The following VPS16 variants were observed in gnomAD, a reference collection of about 807,000 sequenced individuals.
VPS16 encodes the protein vacuolar protein sorting-associated protein 16 homolog.
A neutral mutation model predicts 116.0 loss-of-function variants in VPS16; 82 were observed. That is an observed-to-expected ratio of 0.71 (90% CI 0.59 to 0.85). The LOEUF (loss-of-function observed/expected upper bound fraction) is 0.85. Among genes scored for constraint, VPS16 ranks in the 40% least tolerant of loss-of-function variants. The pLI is 0.00. For missense variants in VPS16, 928 were observed against 1,090.6 expected (o/e 0.85, Z 2.10); for synonymous variants, 406 against 420.7 (o/e 0.96, Z 0.43).
chr20:2,854,808 G>A (rs904264857), intron 1 of VPS16, among the ~76,000 whole-genome samples: 2 of 114,996 alleles, frequency 1.7e-5, no homozygotes, highest in South Asian at 2.7e-4. Flanking sequence ...AAAAAAAAAA[G>A]AAAGAAAGAA....
chr20:2,844,883 G>A (rs1050799790), intron 1 of VPS16, among the ~76,000 whole-genome samples: 6 of 152,146 alleles, frequency 3.9e-5, no homozygotes. Context: ...CATGGATGAA[G>A]TTGATGCCCT....
Position 2,862,864 on chromosome 20 carries a change from A to G in VPS16, c.1261A>G (p.Met421Val), listed in dbSNP as rs140538187. 36 of 1,613,966 alleles carry G rather than the reference A, an allele frequency of 2.2e-5. No homozygotes were observed. The highest frequency in any genetic ancestry group is 2.6e-5 in the Non-Finnish European group (31 of 1,180,022). ...ATTTCCACCCGACAGCTTCGTGCAC[A>G]TGTGTCAGGACCTGCGTGTGCTCAA... ...DRFPPDSFVH[M>V]CQDLRVLNAV... Residue 421 changes from methionine to valine, a missense_variant, in exon 13 of 24, where the codon ATG becomes GTG. Met to Val is a conservative substitution (Grantham distance 21). Coordinates refer to ENST00000380445, the MANE Select transcript of VPS16 (RefSeq NM_022575.4).
chr20:2,862,966 C>T, intron 13 of VPS16, 32 bp downstream of exon 13: 1 of 1,613,660 alleles, frequency 6.2e-7, no homozygotes, highest in Non-Finnish European at 8.5e-7. Flanking sequence ...GGGTACCCTA[C>T]AGCCAGGGGT....
intron 1 of VPS16, among the ~76,000 whole-genome samples, chr20:2,844,319 AGTCCTATCTGCCT>A (rs2089038014): frequency 6.6e-6 from 1 of 152,240 alleles, no homozygotes; most frequent in African/African-American, 2.4e-5. Flanking sequence ...TTACATTTCA[AGTCCTATCTGCCT>A]GACAGGATTC....
At position 2,864,452 on chromosome 20, in the gene VPS16, T is replaced by G. The variant is rs2089291595; in HGVS notation, c.1808T>G (p.Leu603Trp). 1 of 1,614,198 alleles carries G rather than the reference T, an allele frequency of 6.2e-7. No individual in the cohort carries two copies. Among genetic ancestry groups the G allele is most frequent in the Non-Finnish European group, 8.5e-7 (1 of 1,180,036 alleles). ...TLRNQPMALS[L>W]YRQFCKHQEL... ...CGGAATCAGCCCATGGCCCTCAGTT[T>G]GTACCGACAGGTGTGTGTAGTGGGC... is the stretch of plus-strand genomic sequence containing the variant. Residue 603 changes from leucine (L) to tryptophan (W), a missense_variant, in exon 18 of 24, where the codon TTG (leucine) becomes TGG (tryptophan). Leu to Trp is a moderately conservative substitution (Grantham distance 61, BLOSUM62 -2). Transcript: ENST00000380445. This position sits in a 1 kb window ranked among gnomAD's most constrained non-coding sequence, Gnocchi z 5.2.
At chr20:2,862,197 G>C (rs1312162951) in intron 11 of VPS16, 67 bp downstream of exon 11, 21 of 1,536,662 alleles carry the variant, frequency 1.4e-5, no homozygotes, top group Non-Finnish European at 1.9e-5. Context: ...GCATGTGTGA[G>C]CATAGCCAGG....
intron 11 of VPS16, 31 bp from the exon 12 acceptor site, chr20:2,862,548 G>T: frequency 6.2e-7 from 1 of 1,605,008 alleles, no homozygotes; most frequent in South Asian, 1.1e-5. Flanking sequence ...TCTCTGTCAT[G>T]ATGCCCTGGC....
Position 2,865,531 on chromosome 20 carries a change from G to T in VPS16, c.2271+36G>T. 1 of 1,595,478 alleles carries T rather than the reference G, an allele frequency of 6.3e-7. No individual in the cohort carries two copies. The highest frequency in any genetic ancestry group is 8.6e-7 in the Non-Finnish European group (1 of 1,166,884). ...GTCCTCCCTCCAGCCCACTTCCAGT[G>T]AGGGTAGTCTTCGGGAGAGAGGGCT... is the stretch of plus-strand genomic sequence containing the variant. On this transcript the variant is annotated intron_variant, in intron 22 of 23. Transcript: ENST00000380445. The surrounding 1 kb of genome is among the most constrained non-coding windows in gnomAD (Gnocchi z 5.2).
chr20:2,862,351 G>A (rs2089239446), intron 11 of VPS16: 3 of 1,032,730 alleles, frequency 2.9e-6, no homozygotes, highest in Non-Finnish European at 4.1e-6. Flanking sequence ...CCCAGTCTGG[G>A]TTACTATTGG....
At position 2,840,835 on chromosome 20, in the gene VPS16, G is replaced by GCGGC; in HGVS notation, c.53+9_53+10insGGCC. On this transcript the variant is annotated intron_variant, in intron 1 of 23. Coordinates refer to ENST00000380445, the MANE Select transcript of VPS16 (RefSeq NM_022575.4). The stretch of plus-strand genomic sequence containing the variant: ...GGACTCTGCCTTTTACCGGTGAGCT[G>GCGGC]CCCCGCCCTCCCGCCCACGGCCTGG... The GCGGC allele has an allele frequency of 2.0e-6, 3 of 1,524,298 alleles. No homozygotes were observed. The highest frequency in any genetic ancestry group is 2.7e-6 in the Non-Finnish European group (3 of 1,127,978). The allele number at this position is 1,524,298 out of a possible 1,614,324, so 94.4% of individuals were successfully genotyped here. A position where few individuals can be genotyped will look rare whatever the true frequency, so the allele number is the denominator to read the frequency against.
chr20:2,861,990 G>A, intron 10 of VPS16, 64 bp from the exon 11 acceptor site: 1 of 1,607,164 alleles, frequency 6.2e-7, no homozygotes, highest in Non-Finnish European at 8.5e-7. Context: ...GCAGGAATAG[G>A]GTGTTGAGGC....
chr20:2,863,821 G>C lies in VPS16; in HGVS notation c.1477-128G>C. On this transcript the variant is annotated intron_variant, in intron 15 of 23. Coordinates refer to ENST00000380445, the MANE Select transcript of VPS16 (RefSeq NM_022575.4). The surrounding 1 kb of genome is among the most constrained non-coding windows in gnomAD (Gnocchi z 4.4). ...GAGGGAAAGAGAGAGAAAGAAGAAAGAGAGAAAGAAAGAAAGAAGAAGGAA... is the reference window on the plus strand; with the variant it reads ...GAGGGAAAGAGAGAGAAAGAAGAAACAGAGAAAGAAAGAAAGAAGAAGGAA... 1 of 1,282,694 alleles carries C rather than the reference G, an allele frequency of 7.8e-7. No individual in the cohort carries two copies. 79.5% of individuals were successfully genotyped at this position (1,282,694 alleles called of 1,614,324 possible). A position where few individuals can be genotyped will look rare whatever the true frequency, so the allele number is the denominator to read the frequency against.
intron 1 of VPS16, among the ~76,000 whole-genome samples, chr20:2,852,071 G>C (rs1020666178): frequency 6.6e-6 from 1 of 152,212 alleles, no homozygotes; most frequent in African/African-American, 2.4e-5. Context: ...GGTATAGAGA[G>C]GAAGTGGGGA....
At position 2,864,539 on chromosome 20, in the gene VPS16, G is replaced by A; in HGVS notation, c.1819-8G>A. 1.2e-6 allele frequency: 2 copies of A among 1,614,166 alleles called. No homozygotes were observed. The highest frequency in any genetic ancestry group is 1.7e-6 in the Non-Finnish European group (2 of 1,180,030). ...CCTTGCTGACTGATTGCCTGCCTGT[G>A]GCCCCAGTTCTGTAAGCATCAGGAG... On this transcript the variant is annotated splice_region_variant and splice_polypyrimidine_tract_variant and intron_variant, in intron 18 of 23. Transcript: ENST00000380445. The surrounding 1 kb of genome is among the most constrained non-coding windows in gnomAD (Gnocchi z 5.2).
At chr20:2,858,451 A>G (rs2089196399) in intron 1 of VPS16, among the ~76,000 whole-genome samples, 1 of 152,098 alleles carries the variant, frequency 6.6e-6, no homozygotes, top group African/African-American at 2.4e-5. Context: ...GCAAATAGAA[A>G]CAACTCTGCT....
At chr20:2,856,122 C>T (rs2089169379) in intron 1 of VPS16, among the ~76,000 whole-genome samples, 1 of 152,176 alleles carries the variant, frequency 6.6e-6, no homozygotes, top group Non-Finnish European at 1.5e-5. Flanking sequence ...ACTCTTCTTT[C>T]ACTTGAACAG....
At chr20:2,861,761 C>A in intron 9 of VPS16, 44 bp from the exon 10 acceptor site, 1 of 1,611,572 alleles carries the variant, frequency 6.2e-7, no homozygotes, top group Non-Finnish European at 8.5e-7. Context: ...TTCACCTGCC[C>A]CGTCCCATCT....
chr20:2,841,139 G>A (rs1446042516), intron 1 of VPS16: 3 of 442,604 alleles, frequency 6.8e-6, no homozygotes, highest in African/African-American at 6.3e-5. Context: ...GTCTCCTGCC[G>A]GAAAGTGCTG....
chr20:2,847,778 C>T (rs562572688), intron 1 of VPS16, among the ~76,000 whole-genome samples: 4 of 151,902 alleles, frequency 2.6e-5, no homozygotes, highest in Admixed American at 1.3e-4. Flanking sequence ...CACCCAGCCC[C>T]GCCCCCTCTC....
Sources: gnomAD v4.1 joint callset for allele counts (sites outside exome capture counted in the v4.1 genomes callset) on GRCh38, gnomAD v4.1.1 for gene constraint, Gnocchi (gnomAD v3.1) non-coding constraint, MANE v1.5 for transcripts, NCBI Gene and HGNC (gene_info 2026-07-23, HGNC 2026-07-21) for gene names.